Variants in CREM observed in about 807,000 individuals in gnomAD.
CREM encodes the protein cAMP-responsive element modulator.
A neutral mutation model predicts 37.3 loss-of-function variants in CREM; 13 were observed. That is an observed-to-expected ratio of 0.35 (90% confidence interval 0.23 to 0.55). CREM has a LOEUF of 0.55. Among genes scored for constraint, CREM ranks in the 20% least tolerant of loss-of-function variants. The pLI is 0.88. For synonymous variants in CREM, 124 were observed against 120.2 expected, an observed-to-expected ratio of 1.03 and a Z score of -0.21; for missense variants, 296 against 362.3, an observed-to-expected ratio of 0.82 and a Z score of 1.49.
In CREM at chr10:35,135,228, G is replaced by A. The variant is rs549269402; in HGVS notation, c.-54-2554G>A. On this transcript the variant is annotated intron_variant, in intron 1 of 7. Coordinates refer to ENST00000685392, the MANE Select transcript of CREM (RefSeq NM_183011.2). ...ATCCATAACCAGGCAAAATAATTTT[G>A]GGTCTCATTTCTTCTTATAAGTTAT... Among the ~76,000 whole-genome samples, 7 of 152,178 alleles carry A rather than the reference G, an allele frequency of 4.6e-5. No homozygotes were observed. The East Asian group carries it at 1.4e-3, about 29-fold the overall frequency.
At chr10:35,133,163 G>A (rs2089764279) in intron 1 of CREM, among the ~76,000 whole-genome samples, 2 of 151,936 alleles carry the variant, frequency 1.3e-5, no homozygotes, top group Non-Finnish European at 2.9e-5. Flanking sequence ...TCTCAATAAT[G>A]CATAATTTAC....
chr10:35,154,289 C>G (rs2092766511), intron 3 of CREM: 1 of 383,554 alleles, frequency 2.6e-6, no homozygotes, highest in Admixed American at 4.5e-5. Context: ...ATGGCAATCA[C>G]AAAACAAACA....
In CREM at chr10:35,160,052, G is replaced by A. The variant is rs2093191916; in HGVS notation, c.168+11561G>A. On this transcript the variant is annotated intron_variant, in intron 3 of 7. Coordinates refer to ENST00000685392, the MANE Select transcript of CREM (RefSeq NM_183011.2). Reference sequence around the variant, plus strand: ...CTTATGATCCAACAGAACCAATGGTGTGGTGATTTCATCTTTGTGCAAACA... The same window carrying A: ...CTTATGATCCAACAGAACCAATGGTATGGTGATTTCATCTTTGTGCAAACA... 3.3e-5 allele frequency among the ~76,000 whole-genome samples: 5 copies of A among 151,938 alleles called. No homozygotes were observed. In the South Asian group the frequency reaches 1.0e-3, roughly 32 times the overall value.
chr10:35,149,889 AACACACACACAC>A lies in CREM; in HGVS notation c.168+1437_168+1448del, dbSNP rs55971717. 2.3e-3 allele frequency among the ~76,000 whole-genome samples: 258 copies of A among 111,922 alleles called. 1 individual carries two copies. Among genetic ancestry groups the A allele is most frequent in the East Asian group, 0.017 (62 of 3,660 alleles). The allele number at this position is 111,922 out of a possible 152,430, so 73.4% of individuals were successfully genotyped here. A position where few individuals can be genotyped will look rare whatever the true frequency, so the allele number is the denominator to read the frequency against. On this transcript the variant is annotated intron_variant, in intron 3 of 7. Transcript: ENST00000685392. ...TAGGTTAGGCCAGGCCTTTTGCTTA[AACACACACACAC>A]ACACACACACACACACACACACACA...
intron 6 of CREM, chr10:35,201,621 G>T: frequency 8.5e-7 from 1 of 1,172,474 alleles, no homozygotes; most frequent in Non-Finnish European, 1.2e-6. Flanking sequence ...CTTTTCCCAT[G>T]AAATATTTGA....
chr10:35,208,157 A>G (rs2095580271), intron 7 of CREM, among the ~76,000 whole-genome samples: 1 of 152,100 alleles, frequency 6.6e-6, no homozygotes, highest in African/African-American at 2.4e-5. Context: ...TTCCTCTATT[A>G]CACTGAAATA....
intron 5 of CREM, among the ~76,000 whole-genome samples, chr10:35,184,590 T>C (rs911770621): frequency 1.3e-5 from 2 of 152,180 alleles, no homozygotes; most frequent in African/African-American, 4.8e-5. Flanking sequence ...GTAGAAATGT[T>C]TTCTCACTAG....
Position 35,195,818 on chromosome 10 carries a change from G to A in CREM, c.598+7430G>A, listed in dbSNP as rs926670222. ...CTGGAATCGTATTTCAGCAGGGGAA[G>A]TGGAAAAGTTAAAACTCCAAGCGAG... is the stretch of plus-strand genomic sequence containing the variant. On this transcript the variant is annotated intron_variant, in intron 6 of 7. Transcript: ENST00000685392. 9.6e-6 allele frequency: 5 copies of A among 523,360 alleles called. No homozygotes were observed. In the African/African-American group the frequency reaches 9.7e-5, roughly 10 times the overall value. 32.4% of individuals were successfully genotyped at this position (523,360 alleles called of 1,614,324 possible).
At chr10:35,176,408 TC>T (rs2094083173) in intron 3 of CREM, among the ~76,000 whole-genome samples, 1 of 149,644 alleles carries the variant, frequency 6.7e-6, no homozygotes, top group African/African-American at 2.5e-5. Context: ...TTTTTTTTCT[TC>T]TTTTTTTTTT....
At chr10:35,150,090 G>A (rs1458976062) in intron 3 of CREM, among the ~76,000 whole-genome samples, 1 of 152,116 alleles carries the variant, frequency 6.6e-6, no homozygotes, top group Non-Finnish European at 1.5e-5. Context: ...GAATAGAATA[G>A]AAAGCATATA....
At chr10:35,140,553 G>T (rs898531266) in intron 2 of CREM, among the ~76,000 whole-genome samples, 2 of 152,136 alleles carry the variant, frequency 1.3e-5, no homozygotes, top group Non-Finnish European at 2.9e-5. Context: ...TACTGTACTA[G>T]GCACTGGGAA....
At chr10:35,155,945 CT>C (rs34319028) in intron 3 of CREM, among the ~76,000 whole-genome samples, 42,559 of 139,078 alleles carry the variant, frequency 0.31, 6,574 homozygotes, top group South Asian at 0.36. Context: ...TTCTTTCTTT[CT>C]TTTTTTTTTT....
chr10:35,194,097 C>CAAAAAAAAAAAAAAAAAAAAAAAAAAA lies in CREM; in HGVS notation c.598+5710_598+5736dup, dbSNP rs371978117. On this transcript the variant is annotated intron_variant, in intron 6 of 7. Transcript: ENST00000685392. ...GGGGGAGAATAGCGAGACTTCATCTCAAAAAAAAAAAAAAAAAAAAAAAAA... is the reference window on the plus strand; with the variant it reads ...GGGGGAGAATAGCGAGACTTCATCTCAAAAAAAAAAAAAAAAAAAAAAAAAAAAAAAAAAAAAAAAAAAAAAAAAAAA... Among the ~76,000 whole-genome samples, 9 of 25,062 alleles carry CAAAAAAAAAAAAAAAAAAAAAAAAAAA rather than the reference C, an allele frequency of 3.6e-4. 2 individuals carry two copies. Among genetic ancestry groups the CAAAAAAAAAAAAAAAAAAAAAAAAAAA allele is most frequent in the East Asian group, 2.9e-3 (2 of 686 alleles). 16.4% of individuals were successfully genotyped at this position (25,062 alleles called of 152,430 possible).
At chr10:35,183,030 A>G (rs963874346) in intron 5 of CREM, among the ~76,000 whole-genome samples, 2 of 152,186 alleles carry the variant, frequency 1.3e-5, no homozygotes, top group African/African-American at 4.8e-5. Context: ...AATTCATTAA[A>G]TTTCCTCTTG....
chr10:35,146,187 G>A (rs2092094110), intron 2 of CREM, among the ~76,000 whole-genome samples: 1 of 152,242 alleles, frequency 6.6e-6, no homozygotes, highest in Admixed American at 6.5e-5. Context: ...TGAGACCCAA[G>A]TTGTTGCAGA....
chr10:35,168,357 G>C (rs1288379632), intron 3 of CREM, among the ~76,000 whole-genome samples: 1 of 152,122 alleles, frequency 6.6e-6, no homozygotes, highest in Non-Finnish European at 1.5e-5. Flanking sequence ...CCAGTGATGA[G>C]CATTTTTTCA....
intron 6 of CREM, among the ~76,000 whole-genome samples, chr10:35,189,254 T>G (rs1485472241): frequency 6.6e-6 from 1 of 152,000 alleles, no homozygotes; most frequent in Non-Finnish European, 1.5e-5. Context: ...CTAGCTCTTA[T>G]GGAAGCTGTC....
intron 2 of CREM, among the ~76,000 whole-genome samples, chr10:35,143,205 G>A (rs560579862): frequency 1.3e-5 from 2 of 152,164 alleles, no homozygotes; most frequent in South Asian, 2.1e-4. Context: ...TCTTGACCTC[G>A]TGATCTGCCT....
intron 5 of CREM, among the ~76,000 whole-genome samples, chr10:35,186,060 C>G (rs772412722): frequency 2.6e-5 from 4 of 152,178 alleles, no homozygotes; most frequent in Admixed American, 6.5e-5. Flanking sequence ...TTAAACACTA[C>G]TGTTACGCTA....
Sources: allele counts gnomAD v4.1 joint callset (sites outside exome capture counted in the v4.1 genomes callset), GRCh38; gene constraint gnomAD v4.1.1; transcripts MANE v1.5; gene names NCBI Gene and HGNC (gene_info 2026-07-23, HGNC 2026-07-21).